MSH3: variants seen among roughly 807,000 people sequenced by gnomAD.
MSH3 encodes DNA mismatch repair protein Msh3.
MSH3 carries 106 observed loss-of-function variants against 123.3 expected under a neutral mutation model. The ratio of observed to expected loss-of-function variants is 0.86; its 90% CI spans 0.73 to 1.01. The LOEUF is 1.01. MSH3 is among the 50% of genes least tolerant of loss of function. The pLI, the probability that MSH3 is intolerant of heterozygous loss-of-function variation, is 0.00. For missense variants in MSH3, 1,459 were observed against 1,347.6 expected (o/e 1.08, Z -1.29); for synonymous variants, 515 against 481.4 (o/e 1.07, Z -0.91).
At chr5:80,664,326 A>T (rs1314143855) in intron 2 of MSH3, among the ~76,000 whole-genome samples, 1 of 152,194 alleles carries the variant, frequency 6.6e-6, no homozygotes, top group African/African-American at 2.4e-5. Flanking sequence ...TTTTCTTGGT[A>T]AACCCCTGAT....
intron 18 of MSH3, among the ~76,000 whole-genome samples, chr5:80,792,357 G>A (rs1436007596): frequency 6.6e-6 from 1 of 151,096 alleles, no homozygotes; most frequent in African/African-American, 2.4e-5. Context: ...CTATGATTGT[G>A]TCTGTGAATA....
At chr5:80,700,420 C>T (rs1033473252) in intron 8 of MSH3, among the ~76,000 whole-genome samples, 1 of 152,130 alleles carries the variant, frequency 6.6e-6, no homozygotes, top group Non-Finnish European at 1.5e-5. Context: ...AAATAAATCT[C>T]ATATGCTGTA....
At chr5:80,862,356 G>A (rs1746029036) in intron 21 of MSH3, among the ~76,000 whole-genome samples, 1 of 152,168 alleles carries the variant, frequency 6.6e-6, no homozygotes, top group Non-Finnish European at 1.5e-5. Flanking sequence ...GGAGTTCTTT[G>A]ATTTAATTAC....
intron 17 of MSH3, among the ~76,000 whole-genome samples, chr5:80,786,453 C>T (rs1216176794): frequency 2.6e-5 from 4 of 152,112 alleles, no homozygotes; most frequent in Non-Finnish European, 5.9e-5. Flanking sequence ...TTTCAGCTTT[C>T]CTTTTGGACC....
At position 80,761,636 on chromosome 5, in the gene MSH3, G is replaced by T. The variant is rs751945551; in HGVS notation, c.1854G>T (p.Leu618Phe). 6.2e-7 allele frequency: 1 copy of T among 1,614,010 alleles called. No individual in the cohort carries two copies. Among genetic ancestry groups the T allele is most frequent in the Non-Finnish European group, 8.5e-7 (1 of 1,179,980 alleles). ...AGATAGAAAATCATCTACGTAAATTGCCCGACATAGAGAGGGGACTCTGTA... is the reference window on the plus strand; with the variant it reads ...AGATAGAAAATCATCTACGTAAATTTCCCGACATAGAGAGGGGACTCTGTA... ...FGQIENHLRK[L>F]PDIERGLCSI... The change falls in exon 13 of 24, where the codon TTG becomes TTT. Residue 618 changes from leucine (L) to phenylalanine (F), a missense_variant. Physicochemically the swap from Leu to Phe is conservative, Grantham distance 22. Coordinates refer to ENST00000265081, the MANE Select transcript of MSH3 (RefSeq NM_002439.5).
In MSH3 at chr5:80,720,296, G is replaced by A. The variant is rs539954878; in HGVS notation, c.1341-5157G>A. On this transcript the variant is annotated intron_variant, in intron 8 of 23. Transcript: ENST00000265081. ...ATGTGATGTGTTTTTTAAATATACA[G>A]TGTCAAGTGATTTTTCTGTTTCTTT... Among the ~76,000 whole-genome samples, 12 of 152,224 alleles carry A rather than the reference G, an allele frequency of 7.9e-5. No individual in the cohort carries two copies. The South Asian group carries it at 2.3e-3, about 29-fold the overall frequency.
chr5:80,806,317 G>A (rs114020003), intron 19 of MSH3, among the ~76,000 whole-genome samples: 6 of 151,994 alleles, frequency 3.9e-5, no homozygotes, highest in Non-Finnish European at 8.8e-5. Context: ...GGCTGCTCTC[G>A]AACTCCTGAC....
chr5:80,837,901 G>T lies in MSH3; in HGVS notation c.2814-16229G>T, dbSNP rs188240589. Among the ~76,000 whole-genome samples, 779 of 152,298 alleles carry T rather than the reference G, an allele frequency of 5.1e-3. 11 individuals carry two copies. The highest frequency in any genetic ancestry group is 0.017 in the African/African-American group (697 of 41,560). ...TTCAGAATTACCCAGGTTGCTGGCA[G>T]AATTCATTTCCTTGAGGTTGTGAGT... is the stretch of plus-strand genomic sequence containing the variant. On this transcript the variant is annotated intron_variant, in intron 20 of 23. Transcript: ENST00000265081.
intron 21 of MSH3, among the ~76,000 whole-genome samples, chr5:80,854,568 C>T (rs939771574): frequency 3.9e-5 from 6 of 151,906 alleles, no homozygotes; most frequent in African/African-American, 9.7e-5. Context: ...GTCATAATAC[C>T]GTTATGCAAT....
chr5:80,778,242 C>G (rs1283991985), intron 16 of MSH3, among the ~76,000 whole-genome samples: 1 of 152,178 alleles, frequency 6.6e-6, no homozygotes, highest in African/African-American at 2.4e-5. Flanking sequence ...TTAATTGCCT[C>G]CTGACTTAAT....
At chr5:80,773,311 G>C (rs1434700861) in intron 15 of MSH3, among the ~76,000 whole-genome samples, 1 of 152,164 alleles carries the variant, frequency 6.6e-6, no homozygotes, top group Non-Finnish European at 1.5e-5. Flanking sequence ...GTTTAAAAGT[G>C]ATTTTATCTT....
At position 80,654,912 on chromosome 5, in the gene MSH3, C is replaced by T. The variant is rs535056167; in HGVS notation, c.185C>T (p.Ala62Val). The T allele has an allele frequency of 6.7e-7, 1 of 1,498,768 alleles. No homozygotes were observed. The highest frequency in any genetic ancestry group is 2.6e-5 in the East Asian group (1 of 38,020). 92.8% of individuals were successfully genotyped at this position (1,498,768 alleles called of 1,614,324 possible). A position where few individuals can be genotyped will look rare whatever the true frequency, so the allele number is the denominator to read the frequency against. ...AAAAAAAAAA[A>V]PPAPPAPAFP... ...GCTGCAGCGGCCGCAGCGGCCGCAGCGCCCCCAGCGCCCCCAGCTCCCGCC... is the reference window on the plus strand; with the variant it reads ...GCTGCAGCGGCCGCAGCGGCCGCAGTGCCCCCAGCGCCCCCAGCTCCCGCC... Residue 62 changes from alanine to valine, a missense_variant, in exon 1 of 24, where the codon GCG becomes GTG. Ala to Val is a moderately conservative substitution (Grantham distance 64, BLOSUM62 0). Transcript: ENST00000265081.
chr5:80,812,356 C>G (rs940819408), intron 19 of MSH3, among the ~76,000 whole-genome samples: 17 of 151,962 alleles, frequency 1.1e-4, no homozygotes, highest in African/African-American at 3.4e-4. Flanking sequence ...TACTAATTAC[C>G]CTCTTTACCC....
At position 80,875,759 on chromosome 5, in the gene MSH3, T is replaced by A; in HGVS notation, c.3311T>A (p.Leu1104His). Residue 1104 changes from leucine (L) to histidine (H), a missense_variant, in exon 24 of 24, where the codon CTC (leucine) becomes CAC (histidine). Leu to His is a moderately conservative substitution (Grantham distance 99). Coordinates refer to ENST00000265081, the MANE Select transcript of MSH3 (RefSeq NM_002439.5). ...EGLINTKRKR[L>H]KYFAKLWTMH... ...ATTTGATTTTTCCCCAGAAAGAGAC[T>A]CAAGTATTTTGCAAAGTTATGGACG... 1 of 1,607,334 alleles carries A rather than the reference T, an allele frequency of 6.2e-7. No homozygotes were observed. The highest frequency in any genetic ancestry group is 8.5e-7 in the Non-Finnish European group (1 of 1,173,968).
At chr5:80,800,402 T>C (rs1374318448) in intron 19 of MSH3, among the ~76,000 whole-genome samples, 2 of 152,218 alleles carry the variant, frequency 1.3e-5, no homozygotes, top group African/African-American at 2.4e-5. Context: ...TATTGCCAAC[T>C]TTCAGATTCT....
chr5:80,761,325 G>A (rs912967523), intron 12 of MSH3, among the ~76,000 whole-genome samples: 2 of 152,160 alleles, frequency 1.3e-5, no homozygotes, highest in Admixed American at 6.5e-5. Context: ...TGCCAAAGGC[G>A]TGAACTTCTG....
chr5:80,799,017 G>A (rs1744746420), intron 19 of MSH3, among the ~76,000 whole-genome samples: 1 of 152,148 alleles, frequency 6.6e-6, no homozygotes, highest in African/African-American at 2.4e-5. Flanking sequence ...GGCTCACAAT[G>A]GTAGGAGATT....
chr5:80,755,658 G>C (rs577878703), intron 12 of MSH3, among the ~76,000 whole-genome samples: 7 of 152,262 alleles, frequency 4.6e-5, no homozygotes, highest in African/African-American at 1.7e-4. Context: ...TGAGGGAACA[G>C]ATGGAAAAAG....
chr5:80,806,464 A>G (rs908227275), intron 19 of MSH3, among the ~76,000 whole-genome samples: 1 of 152,176 alleles, frequency 6.6e-6, no homozygotes, highest in South Asian at 2.1e-4. Context: ...TGGATAATCA[A>G]TTGTTTTGTA....
Sources: gnomAD v4.1 joint callset for allele counts (sites outside exome capture counted in the v4.1 genomes callset) on GRCh38, gnomAD v4.1.1 for gene constraint, MANE v1.5 for transcripts, NCBI Gene and HGNC (gene_info 2026-07-23, HGNC 2026-07-21) for gene names.